EYS: variants seen among roughly 807,000 people sequenced by gnomAD.
EYS encodes protein eyes shut homolog.
EYS carries 250 observed loss-of-function variants against 282.1 expected under a neutral mutation model. The observed-to-expected ratio is 0.89, with a 90% CI of 0.80 to 0.98. EYS has a LOEUF of 0.98. Ranked by LOEUF, EYS falls within the 50% of genes least tolerant of loss-of-function variation. EYS has a pLI of 0.00. For missense variants in EYS, 4,016 were observed against 3,709.0 expected (o/e 1.08, Z -2.15); for synonymous variants, 1,355 against 1,282.9 (o/e 1.06, Z -1.20).
chr6:64,030,838 A>G (rs1357107410), intron 33 of EYS, among the ~76,000 whole-genome samples: 1 of 152,210 alleles, frequency 6.6e-6, no homozygotes, highest in Non-Finnish European at 1.5e-5. Flanking sequence ...CCCTGGACCA[A>G]CGCGCTGGCA....
chr6:63,855,631 T>C (rs1236452036), intron 36 of EYS, among the ~76,000 whole-genome samples: 1 of 152,184 alleles, frequency 6.6e-6, no homozygotes, highest in South Asian at 2.1e-4. Context: ...TCTGCAGATA[T>C]GATGATGGCC....
rs138672360 is a variant in EYS at position 64,067,224 on chromosome 6, T to C, written c.6572-733A>G. 3.9e-3 allele frequency among the ~76,000 whole-genome samples: 588 copies of C among 152,272 alleles called. 3 individuals carry two copies. The highest frequency in any genetic ancestry group is 0.013 in the African/African-American group (551 of 41,576). On this transcript the variant is annotated intron_variant, in intron 32 of 42. Coordinates refer to ENST00000503581, the MANE Select transcript of EYS (RefSeq NM_001142800.2). The stretch of plus-strand genomic sequence containing the variant: ...GTCCCTGGAAGCCCATGGATCTCTC[T>C]TTTTAACTTTCCTAATTGAAGTATA...
chr6:63,922,865 A>C (rs1304269841), intron 35 of EYS, among the ~76,000 whole-genome samples: 1 of 152,238 alleles, frequency 6.6e-6, no homozygotes, highest in East Asian at 1.9e-4. Flanking sequence ...GGTATATGTT[A>C]AAAGGCACCC....
Position 65,495,051 on chromosome 6 carries a change from C to T in EYS, c.360G>A (p.Thr120=), listed in dbSNP as rs745859722. The T allele has an allele frequency of 3.1e-6, 5 of 1,614,110 alleles. No individual in the cohort carries two copies. The South Asian group carries it at 3.3e-5, about 11-fold the overall frequency. Reference sequence around the variant, plus strand: ...TGCAGCCAAAAAGTAACTGATCTTCCGTTGTGGTATTTTGCACACAGCCAA... The same window carrying T: ...TGCAGCCAAAAAGTAACTGATCTTCTGTTGTGGTATTTTGCACACAGCCAA... The part of the protein sequence containing the change: ...SFVGCVQNTT[T]EDQLLFGCRL... Residue 120 remains threonine, a synonymous_variant, in exon 4 of 43, where the codon ACG becomes ACA. Transcript: ENST00000503581.
At chr6:64,923,616 T>C (rs1338519013) in intron 15 of EYS, among the ~76,000 whole-genome samples, 1 of 152,094 alleles carries the variant, frequency 6.6e-6, no homozygotes, top group Non-Finnish European at 1.5e-5. Context: ...GTCTGTAAAA[T>C]CAAAAGCAAG....
intron 26 of EYS, among the ~76,000 whole-genome samples, chr6:64,547,112 G>C (rs1764899242): frequency 6.6e-6 from 1 of 152,160 alleles, no homozygotes; most frequent in African/African-American, 2.4e-5. Flanking sequence ...TGAAGCTGCA[G>C]ACCTTTGCGG....
intron 30 of EYS, among the ~76,000 whole-genome samples, chr6:64,260,929 G>T (rs1767565042): frequency 2.0e-5 from 3 of 151,372 alleles, no homozygotes; most frequent in Non-Finnish European, 4.4e-5. Context: ...ATATTTATGG[G>T]GTACATGTGA....
At chr6:64,413,572 A>C (rs1196851306) in intron 28 of EYS, among the ~76,000 whole-genome samples, 1 of 138,110 alleles carries the variant, frequency 7.2e-6, no homozygotes. Flanking sequence ...AACCCAAAAA[A>C]AAACCTCCCC....
chr6:65,657,531 A>T (rs1042066187), intron 1 of EYS, among the ~76,000 whole-genome samples: 6 of 151,872 alleles, frequency 4.0e-5, no homozygotes, highest in Non-Finnish European at 8.8e-5. Context: ...TAGCAAGAGA[A>T]CTAGAAGTGG....
At chr6:65,028,441 T>C (rs1427933686) in intron 13 of EYS, among the ~76,000 whole-genome samples, 1 of 151,986 alleles carries the variant, frequency 6.6e-6, no homozygotes, top group Non-Finnish European at 1.5e-5. Context: ...ACAATGTTAT[T>C]TCTTACATCA....
chr6:64,177,262 CTG>C (rs1252826193), intron 31 of EYS, among the ~76,000 whole-genome samples: 4 of 151,210 alleles, frequency 2.6e-5, no homozygotes, highest in African/African-American at 9.7e-5. Context: ...TATTTTCTTT[CTG>C]TGTTTTTTAT....
At chr6:64,614,081 G>C (rs1050623513) in intron 24 of EYS, among the ~76,000 whole-genome samples, 1 of 151,838 alleles carries the variant, frequency 6.6e-6, no homozygotes, top group African/African-American at 2.4e-5. Flanking sequence ...ACTGTTAAAG[G>C]CTTACCCTCT....
intron 5 of EYS, among the ~76,000 whole-genome samples, chr6:65,443,185 A>G (rs1463146009): frequency 1.3e-5 from 2 of 151,808 alleles, no homozygotes; most frequent in Non-Finnish European, 2.9e-5. Context: ...TGCACATCAT[A>G]TACATATGTG....
chr6:64,819,835 AT>A (rs1220163404), intron 21 of EYS, among the ~76,000 whole-genome samples: 1 of 152,032 alleles, frequency 6.6e-6, no homozygotes, highest in Non-Finnish European at 1.5e-5. Context: ...TTTATCTATA[AT>A]TTAAAATAAG....
At chr6:64,714,798 T>A (rs1356350675) in intron 22 of EYS, among the ~76,000 whole-genome samples, 1 of 152,128 alleles carries the variant, frequency 6.6e-6, no homozygotes, top group African/African-American at 2.4e-5. Flanking sequence ...AGTGCTGGGA[T>A]TACAGGCGTG....
At chr6:64,125,716 G>A (rs1773758870) in intron 31 of EYS, among the ~76,000 whole-genome samples, 1 of 150,384 alleles carries the variant, frequency 6.6e-6, no homozygotes, top group African/African-American at 2.5e-5. Flanking sequence ...AACCCGGGAG[G>A]CGGAGCTTGC....
At chr6:64,876,081 T>C (rs1249196829) in intron 19 of EYS, among the ~76,000 whole-genome samples, 1 of 152,080 alleles carries the variant, frequency 6.6e-6, no homozygotes, top group Non-Finnish European at 1.5e-5. Context: ...GTCTAAATTT[T>C]GTGTTTTACT....
At chr6:65,514,111 AT>A (rs1334022788) in intron 2 of EYS, among the ~76,000 whole-genome samples, 1 of 152,054 alleles carries the variant, frequency 6.6e-6, no homozygotes, top group Non-Finnish European at 1.5e-5. Context: ...TACAAAATCA[AT>A]GTACAAAAAT....
intron 5 of EYS, 109 bp from the exon 6 acceptor site, chr6:65,405,476 A>G (rs1766698136): frequency 2.3e-6 from 2 of 878,158 alleles, no homozygotes; most frequent in South Asian, 1.5e-5. Flanking sequence ...AGTTTATGAA[A>G]TATTTTTATT....
Sources: gnomAD v4.1 joint callset for allele counts (sites outside exome capture counted in the v4.1 genomes callset) on GRCh38, gnomAD v4.1.1 for gene constraint, MANE v1.5 for transcripts, NCBI Gene and HGNC (gene_info 2026-07-23, HGNC 2026-07-21) for gene names.